HAVCR1: variants seen among roughly 807,000 people sequenced by gnomAD.
HAVCR1 encodes hepatitis A virus cellular receptor 1.
HAVCR1 carries 34 observed loss-of-function variants against 32.0 expected under a neutral mutation model. The ratio of observed to expected loss-of-function variants is 1.06; its 90% confidence interval spans 0.81 to 1.42. The LOEUF (loss-of-function observed/expected upper bound fraction) is 1.42, where lower values mean the gene tolerates loss of function less well. HAVCR1 is among the 40% of genes most tolerant of loss of function. The probability of loss-of-function intolerance (pLI) is 0.00; values close to 1 mark genes in which losing one functional copy is unlikely to be tolerated. For missense variants in HAVCR1, 420 were observed against 442.3 expected (o/e 0.95, Z 0.45); for synonymous variants, 178 against 170.3 (o/e 1.05, Z -0.35).
At chr5:157,068,706 A>C in the HAVCR1 span, among the ~76,000 whole-genome samples, 1 of 148,860 alleles carries the variant, frequency 6.7e-6, no homozygotes. Flanking sequence ...TCCACCTCCC[A>C]GGCTCAATCC....
chr5:157,036,915 G>C (rs1173116715), intron 7 of HAVCR1, among the ~76,000 whole-genome samples: 1 of 148,310 alleles, frequency 6.7e-6, no homozygotes, highest in Admixed American at 6.7e-5. Context: ...TTTAAGAAAT[G>C]GGGTCCCACC....
At chr5:157,040,357 T>C (rs1019094485) in intron 6 of HAVCR1, among the ~76,000 whole-genome samples, 1 of 151,936 alleles carries the variant, frequency 6.6e-6, no homozygotes, top group Non-Finnish European at 1.5e-5. Context: ...ATTTTTTAAA[T>C]CCAGCACAAA....
intron 6 of HAVCR1, among the ~76,000 whole-genome samples, chr5:157,042,000 A>C (rs1754926024): frequency 6.6e-6 from 1 of 152,050 alleles, no homozygotes. Context: ...CGGAGGTTGC[A>C]GTGAGCTGAG....
upstream of HAVCR1, among the ~76,000 whole-genome samples, chr5:157,059,952 C>T (rs760110645): frequency 6.6e-6 from 1 of 151,626 alleles, no homozygotes; most frequent in Non-Finnish European, 1.5e-5. Context: ...GCACACCAGC[C>T]GGGGTGACAG....
chr5:157,053,633 G>A (rs1755910476), intron 3 of HAVCR1, among the ~76,000 whole-genome samples: 2 of 152,096 alleles, frequency 1.3e-5, no homozygotes, highest in African/African-American at 4.8e-5. Flanking sequence ...ACTTTGGGAG[G>A]CCGAGGCGGG....
intron 7 of HAVCR1, among the ~76,000 whole-genome samples, chr5:157,036,282 T>G (rs746777018): frequency 6.6e-6 from 1 of 152,004 alleles, no homozygotes; most frequent in Non-Finnish European, 1.5e-5. Flanking sequence ...ATCGAGACCA[T>G]CCTGACTAAC....
At chr5:157,032,302 G>A (rs528487403) in intron 8 of HAVCR1, among the ~76,000 whole-genome samples, 15 of 152,138 alleles carry the variant, frequency 9.9e-5, no homozygotes, top group Admixed American at 8.5e-4. Context: ...GCAGATCACC[G>A]GAGGTCAGGA....
At chr5:157,062,576 C>T (rs550758961), upstream of HAVCR1, among the ~76,000 whole-genome samples, 6 of 152,216 alleles carry the variant, frequency 3.9e-5, no homozygotes. Context: ...AACTCCACAT[C>T]ATTGTACCTG....
intron 5 of HAVCR1, among the ~76,000 whole-genome samples, chr5:157,044,541 AAGG>A (rs1755180536): frequency 6.7e-6 from 1 of 149,156 alleles, no homozygotes; most frequent in Non-Finnish European, 1.5e-5. Context: ...GGAAAGAAGA[AAGG>A]AGGAAGGAAG....
chr5:157,064,017 G>C (rs1056341458), upstream of HAVCR1, among the ~76,000 whole-genome samples: 3 of 152,184 alleles, frequency 2.0e-5, no homozygotes, highest in African/African-American at 7.2e-5. Context: ...TGGGGCTTAG[G>C]AGCCATATTC....
chr5:157,033,904 T>G (rs892499985), intron 7 of HAVCR1, among the ~76,000 whole-genome samples: 1 of 151,574 alleles, frequency 6.6e-6, no homozygotes, highest in Non-Finnish European at 1.5e-5. Flanking sequence ...AACACGAAAA[T>G]CATTCGGGTG....
chr5:157,042,830 AGTTATTAAT>A, intron 5 of HAVCR1, 148 bp from the exon 6 acceptor site: 1 of 534,968 alleles, frequency 1.9e-6, no homozygotes, highest in South Asian at 2.9e-5. Flanking sequence ...AGTCATACCA[AGTTATTAAT>A]GTTATATTAA....
intron 2 of HAVCR1, 71 bp from the exon 3 acceptor site, chr5:157,055,604 G>T (rs1461435660): frequency 7.3e-6 from 7 of 953,958 alleles, no homozygotes; most frequent in Non-Finnish European, 1.1e-5. Flanking sequence ...AATGGCTCAC[G>T]CCTGTAATCC....
chr5:157,053,040 G>A (rs542593389), intron 3 of HAVCR1, among the ~76,000 whole-genome samples: 3 of 152,218 alleles, frequency 2.0e-5, no homozygotes, highest in South Asian at 4.2e-4. Flanking sequence ...AGCTTCCCAA[G>A]TAGCTGGGAC....
chr5:157,039,718 G>A (rs960351143), intron 6 of HAVCR1, among the ~76,000 whole-genome samples: 2 of 152,114 alleles, frequency 1.3e-5, no homozygotes, highest in Admixed American at 6.6e-5. Context: ...TAAACATTTA[G>A]GTTGTTTATA....
intron 4 of HAVCR1, among the ~76,000 whole-genome samples, chr5:157,052,044 G>C (rs1412176340): frequency 6.6e-6 from 1 of 152,184 alleles, no homozygotes; most frequent in Non-Finnish European, 1.5e-5. Flanking sequence ...TCATCATAAA[G>C]CCATACCTAG....
At chr5:157,034,453 C>T (rs953824326) in intron 7 of HAVCR1, among the ~76,000 whole-genome samples, 2 of 151,724 alleles carry the variant, frequency 1.3e-5, no homozygotes, top group Non-Finnish European at 2.9e-5. Flanking sequence ...AATGTATGAT[C>T]GGGTTTTACA....
intron 2 of HAVCR1, among the ~76,000 whole-genome samples, chr5:157,056,418 C>T (rs1756149237): frequency 6.9e-6 from 1 of 145,040 alleles, no homozygotes; most frequent in South Asian, 2.2e-4. Flanking sequence ...CTTGCTCTGT[C>T]GCCCAGGCTG....
chr5:157,062,197 G>C (rs755007159), upstream of HAVCR1, among the ~76,000 whole-genome samples: 1 of 152,056 alleles, frequency 6.6e-6, no homozygotes, highest in Non-Finnish European at 1.5e-5. Flanking sequence ...CAAGATTAAC[G>C]GCAGTGAATT....
Sources: gnomAD v4.1 joint callset for allele counts (sites outside exome capture counted in the v4.1 genomes callset) on GRCh38, gnomAD v4.1.1 for gene constraint, MANE v1.5 for transcripts, NCBI Gene and HGNC (gene_info 2026-07-23, HGNC 2026-07-21) for gene names.